HOXB3: variants seen among roughly 807,000 people sequenced by gnomAD.
The protein encoded by HOXB3 is homeobox protein Hox-B3.
A neutral mutation model predicts 29.2 loss-of-function variants in HOXB3; 17 were observed. That is an observed-to-expected ratio of 0.58 (90% confidence interval 0.40 to 0.87). HOXB3 has a LOEUF of 0.87. Among genes scored for constraint, HOXB3 ranks in the 40% least tolerant of loss-of-function variants. The pLI, the probability that HOXB3 is intolerant of heterozygous loss-of-function variation, is 0.00. For synonymous variants in HOXB3, 317 were observed against 285.9 expected, an observed-to-expected ratio of 1.11 and a Z score of -1.10; for missense variants, 637 against 616.3, an observed-to-expected ratio of 1.03 and a Z score of -0.35.
intron 1 of HOXB3, among the ~76,000 whole-genome samples, chr17:48,586,575 T>C (rs1199575739): frequency 1.3e-5 from 2 of 152,202 alleles, no homozygotes; most frequent in Non-Finnish European, 2.9e-5. Flanking sequence ...ATTGATGAGA[T>C]ATGAGCGTTG....
At chr17:48,551,780 A>G (rs561884439) in intron 4 of HOXB3, among the ~76,000 whole-genome samples, 1 of 152,336 alleles carries the variant, frequency 6.6e-6, no homozygotes, top group East Asian at 1.9e-4. Context: ...GGCCTTGGGA[A>G]GGGCTTTGAG....
chr17:48,551,099 TC>T lies in HOXB3; in HGVS notation c.530del (p.Gly177GlufsTer43). On this transcript the variant is annotated frameshift_variant, in exon 5 of 5. Coordinates refer to ENST00000498678, the MANE Select transcript of HOXB3 (RefSeq NM_001384749.1). LOFTEE classifies it high-confidence loss of function. ...GSGGGGGGGG[G>X]GDKSPPGSAA... The stretch of plus-strand genomic sequence containing the variant: ...CCGACCCCGGGGGGCTCTTGTCCCC[TC>T]CCCCGCCGCCGCCGCCACCGCCCCC... 2 of 1,392,344 alleles carry T rather than the reference TC, an allele frequency of 1.4e-6. No individual in the cohort carries two copies. Among genetic ancestry groups the T allele is most frequent in the Non-Finnish European group, 1.9e-6 (2 of 1,070,650 alleles). The allele number at this position is 1,392,344 out of a possible 1,614,324, so 86.2% of individuals were successfully genotyped here.
intron 2 of HOXB3, among the ~76,000 whole-genome samples, chr17:48,556,251 C>T (rs1307503955): frequency 6.6e-6 from 1 of 151,900 alleles, no homozygotes; most frequent in Non-Finnish European, 1.5e-5. Flanking sequence ...CACAGCTCCC[C>T]CCATACCCCA....
intron 1 of HOXB3, among the ~76,000 whole-genome samples, chr17:48,587,647 A>T (rs2070072460): frequency 6.6e-6 from 1 of 152,254 alleles, no homozygotes; most frequent in Non-Finnish European, 1.5e-5. Flanking sequence ...AACTTCTCAC[A>T]GCCAGGGAAG....
At chr17:48,567,291 C>A (rs1597837066) in intron 2 of HOXB3, among the ~76,000 whole-genome samples, 1 of 152,244 alleles carries the variant, frequency 6.6e-6, no homozygotes, top group African/African-American at 2.4e-5. Flanking sequence ...GTAGTGGATG[C>A]CATGAATAAT....
In HOXB3 at chr17:48,552,034, G is replaced by T. The variant is rs547096338; in HGVS notation, c.441C>A (p.Pro147=). Residue 147 remains proline, a synonymous_variant, in exon 4 of 5, where the codon CCC becomes CCA. Coordinates refer to ENST00000498678, the MANE Select transcript of HOXB3 (RefSeq NM_001384749.1). ...AAGGCAGAGAACTGGTACCTGTGCC[G>T]GGGGAGTTGTTTTTCAGCTTGGACG... is the stretch of plus-strand genomic sequence containing the variant. ...RQTSKLKNNS[P]GTAEGCGGGG... is the part of the protein sequence containing the mutation. 15 of 1,572,388 alleles carry T rather than the reference G, an allele frequency of 9.5e-6. No homozygotes were observed. The highest frequency in any genetic ancestry group is 1.3e-5 in the African/African-American group (1 of 74,148).
chr17:48,557,788 T>C (rs9910559), intron 2 of HOXB3, among the ~76,000 whole-genome samples: 8,453 of 152,190 alleles, frequency 0.056, 309 homozygotes, highest in African/African-American at 0.095. Flanking sequence ...ATTAGTAGTA[T>C]CAAGAAAATA....
intron 3 of HOXB3, chr17:48,555,288 G>T: frequency 1.8e-6 from 1 of 549,354 alleles, no homozygotes; most frequent in Non-Finnish European, 3.2e-6. Flanking sequence ...AAAAGAGAGA[G>T]AGGAGAAAAG....
rs1345520604 is a variant in HOXB3 at position 48,549,458 on chromosome 17, G to A, written c.*876C>T. ...GCCCAGCCCCTGCCTGGGACAGTTT[G>A]TTCAAATATACCCTGTTTTCACGTT... is the stretch of plus-strand genomic sequence containing the variant. On this transcript the variant is annotated 3_prime_UTR_variant, in exon 5 of 5. Coordinates refer to ENST00000498678, the MANE Select transcript of HOXB3 (RefSeq NM_001384749.1). The A allele has an allele frequency of 6.6e-6, 1 of 152,604 alleles. No individual in the cohort carries two copies. Among genetic ancestry groups the A allele is most frequent in the Non-Finnish European group, 1.5e-5 (1 of 68,040 alleles). 9.5% of individuals were successfully genotyped at this position (152,604 alleles called of 1,614,324 possible). A position where few individuals can be genotyped will look rare whatever the true frequency, so the allele number is the denominator to read the frequency against.
In HOXB3 at chr17:48,550,613, GC is replaced by G; in HGVS notation, c.1016del (p.Gly339AlafsTer90). ...CCTGCATGGTGGGCGTCCCGTAGGC[GC>G]CCCCGTTGGCTTGGAGGACGTGCGG... ...YEPHVLQANG[G>X]AYGTPTMQGS... On this transcript the variant is annotated frameshift_variant, in exon 5 of 5. Transcript: ENST00000498678. LOFTEE classifies it high-confidence loss of function. The G allele has an allele frequency of 2.0e-6, 3 of 1,520,308 alleles. No individual in the cohort carries two copies. The allele number at this position is 1,520,308 out of a possible 1,614,324, so 94.2% of individuals were successfully genotyped here.
rs530713063 is a variant in HOXB3 at position 48,561,183 on chromosome 17, AACACACACAC to A, written c.-246-5575_-246-5566del. Among the ~76,000 whole-genome samples, 768 of 125,480 alleles carry A rather than the reference AACACACACAC, an allele frequency of 6.1e-3. 5 individuals carry two copies. The highest frequency in any genetic ancestry group is 0.02 in the African/African-American group (698 of 34,950). 82.3% of individuals were successfully genotyped at this position (125,480 alleles called of 152,430 possible). ...CAACAAGAGCGAAACTCCGTCTCAA[AACACACACAC>A]ACACACACACACACACACACACACA... On this transcript the variant is annotated intron_variant, in intron 2 of 4. Coordinates refer to ENST00000498678, the MANE Select transcript of HOXB3 (RefSeq NM_001384749.1).
At chr17:48,555,837 G>C (rs1436369839) in intron 2 of HOXB3, among the ~76,000 whole-genome samples, 1 of 152,174 alleles carries the variant, frequency 6.6e-6, no homozygotes, top group Admixed American at 6.5e-5. Context: ...GAAAGGTGCC[G>C]GGCGGCTCAG....
chr17:48,562,561 A>G (rs35533427), intron 2 of HOXB3, among the ~76,000 whole-genome samples: 4,544 of 152,202 alleles, frequency 0.03, 225 homozygotes, highest in African/African-American at 0.1. Flanking sequence ...TGCCCCAACA[A>G]TGCAGCGAGT....
chr17:48,563,549 G>T (rs1365305856), intron 2 of HOXB3, among the ~76,000 whole-genome samples: 1 of 152,194 alleles, frequency 6.6e-6, no homozygotes, highest in Non-Finnish European at 1.5e-5. Flanking sequence ...CAAAGGGACA[G>T]TTCCCACTAT....
At chr17:48,557,398 A>G (rs1383874347) in intron 2 of HOXB3, 1 of 152,278 alleles carries the variant, frequency 6.6e-6, no homozygotes, top group Non-Finnish European at 1.5e-5. Flanking sequence ...CCTCCAGCAT[A>G]GGTTGGAGGT....
intron 2 of HOXB3, among the ~76,000 whole-genome samples, chr17:48,557,806 C>T (rs561667190): frequency 1.1e-4 from 16 of 152,224 alleles, no homozygotes; most frequent in African/African-American, 1.9e-4. Context: ...ATAAAACATC[C>T]AAGTCAGACC....
chr17:48,552,580 C>T lies in HOXB3; in HGVS notation c.-106G>A. On this transcript the variant is annotated 5_prime_UTR_variant, in exon 4 of 5. Coordinates refer to ENST00000498678, the MANE Select transcript of HOXB3 (RefSeq NM_001384749.1). ...TCACGTGACACGCCGGACCCCCCCC[C>T]CCCACCTCCCCTCTCTGCCCCCCTC... 1 of 769,248 alleles carries T rather than the reference C, an allele frequency of 1.3e-6. No individual in the cohort carries two copies. The highest frequency in any genetic ancestry group is 3.2e-5 in the Admixed American group (1 of 30,852). 47.7% of individuals were successfully genotyped at this position (769,248 alleles called of 1,614,324 possible).
intron 1 of HOXB3, among the ~76,000 whole-genome samples, chr17:48,583,291 C>T (rs892525226): frequency 6.6e-6 from 1 of 152,122 alleles, no homozygotes; most frequent in African/African-American, 2.4e-5. Flanking sequence ...GCTTCCCCCT[C>T]CCCCCGAAGA....
chr17:48,553,821 C>G (rs949835356), intron 3 of HOXB3: 1 of 152,082 alleles, frequency 6.6e-6, no homozygotes, highest in Non-Finnish European at 1.5e-5. Flanking sequence ...ATTTTTTTCC[C>G]TCCATCTCTC....
Sources: allele counts gnomAD v4.1 joint callset (sites outside exome capture counted in the v4.1 genomes callset), GRCh38; gene constraint gnomAD v4.1.1; transcripts MANE v1.5; gene names NCBI Gene and HGNC (gene_info 2026-07-23, HGNC 2026-07-21).